DNAH14: variants seen among roughly 807,000 people sequenced by gnomAD.
DNAH14 encodes axonemal beta dynein heavy chain 14.
In DNAH14, 478 loss-of-function variants were observed where a neutral mutation model predicts 520.9. The observed-to-expected ratio is 0.92, with a 90% CI of 0.85 to 0.99. The LOEUF (loss-of-function observed/expected upper bound fraction) is 0.99, where lower values mean the gene tolerates loss of function less well. DNAH14 is among the 50% of genes least tolerant of loss of function. DNAH14 has a pLI of 0.00. For missense variants in DNAH14, 4,831 were observed against 5,234.5 expected (o/e 0.92, Z 2.38); for synonymous variants, 1,581 against 1,757.2 (o/e 0.90, Z 2.51).
At chr1:225,377,024 A>G (rs1192166766) in intron 78 of DNAH14, among the ~76,000 whole-genome samples, 1 of 151,844 alleles carries the variant, frequency 6.6e-6, no homozygotes, top group African/African-American at 2.4e-5. Context: ...TGCATATCAT[A>G]TGCACATTAC....
chr1:225,176,606 G>A (rs750331376), intron 36 of DNAH14, among the ~76,000 whole-genome samples: 3 of 144,226 alleles, frequency 2.1e-5, no homozygotes, highest in African/African-American at 5.1e-5. Flanking sequence ...CTTGAATTCC[G>A]TGTTGTGGGA....
intron 41 of DNAH14, among the ~76,000 whole-genome samples, chr1:225,218,804 T>C (rs1413291248): frequency 2.0e-5 from 3 of 152,174 alleles, no homozygotes; most frequent in African/African-American, 7.2e-5. Context: ...CTGGACCAAG[T>C]AGGCCTAATA....
chr1:225,287,416 A>G (rs115122698), intron 54 of DNAH14, among the ~76,000 whole-genome samples: 421 of 152,308 alleles, frequency 2.8e-3, no homozygotes, highest in Middle Eastern at 0.027. Flanking sequence ...ATAATGAAGT[A>G]AATGGATGGC....
intron 65 of DNAH14, 142 bp from the exon 66 acceptor site, chr1:225,333,149 C>A: frequency 1.5e-6 from 1 of 645,740 alleles, no homozygotes. Flanking sequence ...CAATATTATC[C>A]ATTATTAACT....
At chr1:225,199,886 T>C (rs1017216236) in intron 38 of DNAH14, among the ~76,000 whole-genome samples, 3 of 152,202 alleles carry the variant, frequency 2.0e-5, no homozygotes, top group Non-Finnish European at 4.4e-5. Context: ...ATTCATTGTT[T>C]GTTGACTTTC....
intron 31 of DNAH14, among the ~76,000 whole-genome samples, chr1:225,151,360 C>T (rs2080484697): frequency 6.6e-6 from 1 of 152,112 alleles, no homozygotes; most frequent in Non-Finnish European, 1.5e-5. Context: ...TAACATTTCA[C>T]TGACTCTTCT....
At chr1:225,123,331 A>C (rs929535975) in intron 26 of DNAH14, among the ~76,000 whole-genome samples, 196 bp from the exon 27 acceptor site, 9 of 152,182 alleles carry the variant, frequency 5.9e-5, no homozygotes, top group Admixed American at 5.9e-4. Context: ...AGATAATCTC[A>C]AAAAGGAATT....
At chr1:225,372,055 T>C (rs1448631315) in intron 77 of DNAH14, among the ~76,000 whole-genome samples, 4 of 152,164 alleles carry the variant, frequency 2.6e-5, no homozygotes, top group African/African-American at 7.2e-5. Flanking sequence ...CCAGGTTACA[T>C]AGGTAATAAG....
rs548292034 is a variant in DNAH14 at position 225,277,629 on chromosome 1, G to C, written c.8271+127G>C. ...GAAAAATCACAATAACTGAGTCATAGGGCAGGACTCTTGTCCTCTCTGCAG... is the reference window on the plus strand; with the variant it reads ...GAAAAATCACAATAACTGAGTCATACGGCAGGACTCTTGTCCTCTCTGCAG... On this transcript the variant is annotated intron_variant, in intron 54 of 85. Coordinates refer to ENST00000682510, the MANE Select transcript of DNAH14 (RefSeq NM_001367479.1). 158 of 389,818 alleles carry C rather than the reference G, an allele frequency of 4.1e-4. 2 individuals are homozygous for C. Among genetic ancestry groups the C allele is most frequent in the South Asian group, 2.9e-3 (145 of 49,870 alleles). 24.1% of individuals were successfully genotyped at this position (389,818 alleles called of 1,614,324 possible). A position where few individuals can be genotyped will look rare whatever the true frequency, so the allele number is the denominator to read the frequency against.
At chr1:225,335,551 A>ATACG (rs1558431671) in intron 66 of DNAH14, among the ~76,000 whole-genome samples, 2 of 102,828 alleles carry the variant, frequency 1.9e-5, no homozygotes, top group Non-Finnish European at 4.1e-5. Context: ...ATACGTATAT[A>ATACG]CATATGTACA....
intron 8 of DNAH14, among the ~76,000 whole-genome samples, chr1:224,998,329 TTTG>T (rs1201601932): frequency 6.6e-6 from 1 of 152,128 alleles, no homozygotes; most frequent in African/African-American, 2.4e-5. Flanking sequence ...TTGGGTTTCA[TTTG>T]TTCTTTGTTT....
intron 43 of DNAH14, among the ~76,000 whole-genome samples, chr1:225,248,832 A>G (rs2092420630): frequency 1.3e-5 from 2 of 152,204 alleles, no homozygotes; most frequent in African/African-American, 4.8e-5. Flanking sequence ...ATAGTTGAAT[A>G]CAGGATTTGA....
intron 78 of DNAH14, among the ~76,000 whole-genome samples, chr1:225,375,275 C>G (rs1004671994): frequency 1.3e-4 from 20 of 152,176 alleles, no homozygotes; most frequent in African/African-American, 4.6e-4. Context: ...CCTCTTCTCC[C>G]CCTCAGTTTC....
chr1:225,098,511 A>G (rs1184989820), intron 22 of DNAH14, among the ~76,000 whole-genome samples: 1 of 152,198 alleles, frequency 6.6e-6, no homozygotes, highest in Non-Finnish European at 1.5e-5. Context: ...TATGTCAAGT[A>G]TTTTGTATTT....
intron 8 of DNAH14, among the ~76,000 whole-genome samples, chr1:224,977,648 G>T (rs531030423): frequency 3.9e-5 from 6 of 152,130 alleles, no homozygotes; most frequent in Non-Finnish European, 4.4e-5. Context: ...AGCTTTTTGC[G>T]TGTCAATCAT....
At chr1:224,953,986 G>A (rs961027208) in intron 2 of DNAH14, among the ~76,000 whole-genome samples, 62 of 151,980 alleles carry the variant, frequency 4.1e-4, no homozygotes, top group Non-Finnish European at 1.8e-4. Flanking sequence ...AAGACATCAA[G>A]AAAGTGAAAA....
At chr1:225,028,251 C>T (rs904740649) in intron 11 of DNAH14, among the ~76,000 whole-genome samples, 4 of 151,036 alleles carry the variant, frequency 2.6e-5, no homozygotes, top group Non-Finnish European at 4.4e-5. Flanking sequence ...GAAGTCTGGG[C>T]CTCAGCTTTT....
intron 21 of DNAH14, among the ~76,000 whole-genome samples, chr1:225,093,737 C>T (rs941191545): frequency 6.6e-6 from 1 of 152,044 alleles, no homozygotes; most frequent in Non-Finnish European, 1.5e-5. Flanking sequence ...GAAAATGCCA[C>T]AATTTCTGCA....
chr1:225,087,561 T>C (rs1246033550), intron 21 of DNAH14, among the ~76,000 whole-genome samples: 2 of 152,170 alleles, frequency 1.3e-5, no homozygotes, highest in African/African-American at 2.4e-5. Flanking sequence ...CCCTGAGAGT[T>C]GAGAAACAAA....
Sources: gnomAD v4.1 joint callset for allele counts (sites outside exome capture counted in the v4.1 genomes callset) on GRCh38, gnomAD v4.1.1 for gene constraint, MANE v1.5 for transcripts, NCBI Gene and HGNC (gene_info 2026-07-23, HGNC 2026-07-21) for gene names.